PCMTD1: variants seen among roughly 807,000 people sequenced by gnomAD.
The protein encoded by PCMTD1 is protein-L-isoaspartate O-methyltransferase domain-containing protein 1.
PCMTD1 carries 12 observed loss-of-function variants against 37.6 expected under a neutral mutation model. That is an observed-to-expected ratio of 0.32 (90% CI 0.20 to 0.52). The LOEUF is 0.52. Ranked by LOEUF, PCMTD1 falls within the 20% of genes least tolerant of loss-of-function variation. The pLI, the probability that PCMTD1 is intolerant of heterozygous loss-of-function variation, is 0.97. For missense variants in PCMTD1, 235 were observed against 421.3 expected (o/e 0.56, Z 3.87); for synonymous variants, 117 against 135.8 (o/e 0.86, Z 0.96).
At chr8:51,854,901 G>T (rs1301662633) in intron 2 of PCMTD1, among the ~76,000 whole-genome samples, 2 of 150,090 alleles carry the variant, frequency 1.3e-5, no homozygotes, top group African/African-American at 4.9e-5. Flanking sequence ...AAGGCTAGGC[G>T]TGGTGGCTCA....
intron 2 of PCMTD1, among the ~76,000 whole-genome samples, chr8:51,848,077 C>A (rs567578628): frequency 1.3e-5 from 2 of 151,198 alleles, no homozygotes; most frequent in African/African-American, 4.9e-5. Context: ...AGAGAGAGAC[C>A]GTGGTTTTGT....
At chr8:51,822,266 C>T (rs976560180) in intron 5 of PCMTD1, among the ~76,000 whole-genome samples, 5 of 151,800 alleles carry the variant, frequency 3.3e-5, no homozygotes, top group Admixed American at 1.3e-4. Flanking sequence ...CACACTCTGA[C>T]GGAGGGTGGC....
At chr8:51,839,253 T>A (rs2038111918) in intron 3 of PCMTD1, among the ~76,000 whole-genome samples, 1 of 152,196 alleles carries the variant, frequency 6.6e-6, no homozygotes, top group African/African-American at 2.4e-5. Context: ...AAGCTTATAA[T>A]CATTTATTGA....
At chr8:51,823,890 C>A (rs1402348973) in intron 5 of PCMTD1, among the ~76,000 whole-genome samples, 1 of 152,194 alleles carries the variant, frequency 6.6e-6, no homozygotes, top group African/African-American at 2.4e-5. Context: ...GATGATTCAA[C>A]ATATGCAAAT....
At position 51,825,187 on chromosome 8, in the gene PCMTD1, G is replaced by C. The variant is rs577971471; in HGVS notation, c.707-4469C>G. ...AGCAATGGCAACAAAAGCCAAAATT[G>C]ACAAATTGTATCTAATTAAACTAAA... On this transcript the variant is annotated intron_variant, in intron 5 of 5. Coordinates refer to ENST00000522514, the MANE Select transcript of PCMTD1 (RefSeq NM_052937.4). Among the ~76,000 whole-genome samples the C allele has an allele frequency of 2.0e-5, 3 of 152,244 alleles. No homozygotes were observed. The South Asian group carries it at 6.2e-4, about 32-fold the overall frequency.
chr8:51,836,062 G>C (rs1246461729), intron 3 of PCMTD1, among the ~76,000 whole-genome samples: 1 of 152,194 alleles, frequency 6.6e-6, no homozygotes, highest in African/African-American at 2.4e-5. Flanking sequence ...TCTAATGGAA[G>C]AGACAAACAT....
At chr8:51,829,326 A>G (rs543145716) in intron 5 of PCMTD1, among the ~76,000 whole-genome samples, 1 of 152,208 alleles carries the variant, frequency 6.6e-6, no homozygotes, top group Non-Finnish European at 1.5e-5. Context: ...GAGCCATGCA[A>G]GCCTCTCTGC....
At chr8:51,859,132 C>T (rs998157225) in intron 2 of PCMTD1, among the ~76,000 whole-genome samples, 11 of 152,260 alleles carry the variant, frequency 7.2e-5, no homozygotes, top group Admixed American at 3.9e-4. Context: ...AAGGGTAAGA[C>T]AGAATAAACA....
At chr8:51,873,700 C>T (rs1215065773) in intron 1 of PCMTD1, among the ~76,000 whole-genome samples, 1 of 151,948 alleles carries the variant, frequency 6.6e-6, no homozygotes, top group Non-Finnish European at 1.5e-5. Context: ...GTATACAGCA[C>T]CTCCCCCTAC....
chr8:51,821,971 G>A (rs1373740942), intron 5 of PCMTD1, among the ~76,000 whole-genome samples: 1 of 152,080 alleles, frequency 6.6e-6, no homozygotes, highest in African/African-American at 2.4e-5. Context: ...TCCTGACCTC[G>A]TGATCCGCCC....
rs192408498 is a variant in PCMTD1, at chr8:51,865,495, C to T, written c.-95-4249G>A. On this transcript the variant is annotated intron_variant, in intron 1 of 5. Transcript: ENST00000522514. ...CACTCACCACCAAGTGAGACTGATC[C>T]TTGGAATACAAGGATTGTTGAATAT... Among the ~76,000 whole-genome samples the T allele has an allele frequency of 8.6e-3, 1,314 of 152,054 alleles. 3 individuals carry two copies. The highest frequency in any genetic ancestry group is 0.014 in the Non-Finnish European group (937 of 67,900).
intron 1 of PCMTD1, among the ~76,000 whole-genome samples, chr8:51,877,949 T>C (rs1488740625): frequency 6.6e-6 from 1 of 152,120 alleles, no homozygotes; most frequent in Non-Finnish European, 1.5e-5. Flanking sequence ...CTACTCCAAA[T>C]GGTGCAGAAA....
rs369149746 is a variant in PCMTD1 at position 51,861,173 on chromosome 8, T to C, written c.-22A>G. ...CCATGATAGTATTCAAATCAAATCATAAATTTAAAAGTGAAATAAAATTAG... is the reference window on the plus strand; with the variant it reads ...CCATGATAGTATTCAAATCAAATCACAAATTTAAAAGTGAAATAAAATTAG... On this transcript the variant is annotated 5_prime_UTR_variant, in exon 2 of 6. An upstream start codon of the reference 5' UTR is lost. Transcript: ENST00000522514. The C allele has an allele frequency of 3.3e-5, 52 of 1,553,390 alleles. No homozygotes were observed. Among genetic ancestry groups the C allele is most frequent in the Non-Finnish European group, 4.3e-5 (49 of 1,147,026 alleles).
intron 3 of PCMTD1, among the ~76,000 whole-genome samples, chr8:51,837,841 G>A (rs1272578767): frequency 6.6e-6 from 1 of 152,010 alleles, no homozygotes; most frequent in African/African-American, 2.4e-5. Context: ...GTGCAGTGGT[G>A]CGATCTTAGC....
At chr8:51,892,977 CAT>C (rs987936325) in intron 1 of PCMTD1, among the ~76,000 whole-genome samples, 11 of 152,150 alleles carry the variant, frequency 7.2e-5, no homozygotes, top group Admixed American at 3.9e-4. Flanking sequence ...AAATTTGCAA[CAT>C]GTGATATATT....
rs1198270709 is a variant in PCMTD1, at chr8:51,819,107, A to G, written c.*1244T>C. 3 of 152,200 alleles carry G rather than the reference A, an allele frequency of 2.0e-5. No homozygotes were observed. The South Asian group carries it at 6.2e-4, about 32-fold the overall frequency. The allele number at this position is 152,200 out of a possible 1,614,324, so 9.4% of individuals were successfully genotyped here. A position where few individuals can be genotyped will look rare whatever the true frequency, so the allele number is the denominator to read the frequency against. ...TTTTTTATCACTGATAAGCTAAAATAAAGCTCAAATATGGACAGTTTAACT... is the reference window on the plus strand; with the variant it reads ...TTTTTTATCACTGATAAGCTAAAATGAAGCTCAAATATGGACAGTTTAACT... On this transcript the variant is annotated 3_prime_UTR_variant, in exon 6 of 6. Coordinates refer to ENST00000522514, the MANE Select transcript of PCMTD1 (RefSeq NM_052937.4).
intron 4 of PCMTD1, among the ~76,000 whole-genome samples, chr8:51,833,026 G>A (rs2038018361): frequency 6.6e-6 from 1 of 152,122 alleles, no homozygotes; most frequent in African/African-American, 2.4e-5. Context: ...GTATCTGTTT[G>A]TAGAGACGGG....
At chr8:51,884,235 C>G (rs948544826) in intron 1 of PCMTD1, among the ~76,000 whole-genome samples, 1 of 152,160 alleles carries the variant, frequency 6.6e-6, no homozygotes, top group African/African-American at 2.4e-5. Flanking sequence ...AGCCACTGAT[C>G]TGAGTCAGTG....
intron 5 of PCMTD1, 134 bp from the exon 6 acceptor site, chr8:51,820,852 T>C (rs1369959766): frequency 1.4e-5 from 15 of 1,071,250 alleles, no homozygotes; most frequent in Non-Finnish European, 1.8e-5. Context: ...ACTCTACCTT[T>C]CATCTAACAA....
Sources: gnomAD v4.1 joint callset for allele counts (sites outside exome capture counted in the v4.1 genomes callset) on GRCh38, gnomAD v4.1.1 for gene constraint, MANE v1.5 for transcripts, NCBI Gene and HGNC (gene_info 2026-07-23, HGNC 2026-07-21) for gene names.